Variants in TRPC4AP observed in about 807,000 individuals in gnomAD.
TRPC4AP encodes transient receptor potential cation channel subfamily C member 4 associated protein.
TRPC4AP carries 45 observed loss-of-function variants against 99.0 expected under a neutral mutation model. The ratio of observed to expected loss-of-function variants is 0.45; its 90% CI spans 0.36 to 0.58. TRPC4AP has a LOEUF of 0.58. Among genes scored for constraint, TRPC4AP ranks in the 20% least tolerant of loss-of-function variants. TRPC4AP has a pLI of 0.00. For missense variants in TRPC4AP, 879 were observed against 985.3 expected, an observed-to-expected ratio of 0.89 and a Z score of 1.44; for synonymous variants, 408 against 385.8, an observed-to-expected ratio of 1.06 and a Z score of -0.67.
At position 35,003,045 on chromosome 20, in the gene TRPC4AP, G is replaced by T; in HGVS notation, c.*101C>A. 6.6e-7 allele frequency: 1 copy of T among 1,509,160 alleles called. No homozygotes were observed. The highest frequency in any genetic ancestry group is 9.0e-7 in the Non-Finnish European group (1 of 1,113,474). 93.5% of individuals were successfully genotyped at this position (1,509,160 alleles called of 1,614,324 possible). ...GCCTGTACCCAAAGACCTGGGGCAG[G>T]CAGAGAGCAGCAGGGAGGAACGGGA... On this transcript the variant is annotated 3_prime_UTR_variant, in exon 19 of 19. Coordinates refer to ENST00000252015, the MANE Select transcript of TRPC4AP (RefSeq NM_015638.3).
At chr20:35,038,247 T>C (rs139710788) in intron 7 of TRPC4AP, among the ~76,000 whole-genome samples, 1 of 147,256 alleles carries the variant, frequency 6.8e-6, no homozygotes, top group African/African-American at 2.5e-5. Context: ...ATAAAATAAT[T>C]ACACAGAAAT....
At chr20:35,053,916 A>T (rs1270351572) in intron 5 of TRPC4AP, among the ~76,000 whole-genome samples, 2 of 152,232 alleles carry the variant, frequency 1.3e-5, no homozygotes, top group Admixed American at 1.3e-4. Flanking sequence ...GCACTATTAT[A>T]GATGCTGAAT....
chr20:35,038,883 G>C (rs1449267564), intron 7 of TRPC4AP, among the ~76,000 whole-genome samples: 1 of 152,158 alleles, frequency 6.6e-6, no homozygotes. Flanking sequence ...GACCAGCCTG[G>C]CCAATATGGC....
chr20:35,044,938 T>C lies in TRPC4AP; in HGVS notation c.658-226A>G, dbSNP rs1327608429. Among the ~76,000 whole-genome samples, 3 of 152,114 alleles carry C rather than the reference T, an allele frequency of 2.0e-5. No individual in the cohort carries two copies. The East Asian group carries it at 5.8e-4, about 29-fold the overall frequency. On this transcript the variant is annotated intron_variant, in intron 6 of 18. Transcript: ENST00000252015. ...GAACTAATCTACCTCACAGGATTAG[T>C]CTGAGGACTAAATTTACCTTTTGAG...
At chr20:35,086,340 T>C (rs192371182) in intron 1 of TRPC4AP, among the ~76,000 whole-genome samples, 70 of 152,038 alleles carry the variant, frequency 4.6e-4, no homozygotes, top group African/African-American at 1.7e-3. Flanking sequence ...CTGAATACTT[T>C]TGTGTCCTTT....
intron 14 of TRPC4AP, 125 bp downstream of exon 14, chr20:35,007,425 C>G (rs2147265833): frequency 2.0e-6 from 2 of 992,984 alleles, no homozygotes; most frequent in South Asian, 3.2e-5. Flanking sequence ...GCAGCCTGCA[C>G]AGGCATTTGG....
chr20:35,049,282 G>A (rs1372339299), intron 6 of TRPC4AP, among the ~76,000 whole-genome samples: 2 of 149,676 alleles, frequency 1.3e-5, no homozygotes, highest in South Asian at 4.2e-4. Context: ...AAAGTTATGG[G>A]TCATCCGAAT....
chr20:35,029,186 G>A (rs2083105771), intron 8 of TRPC4AP, among the ~76,000 whole-genome samples: 1 of 152,202 alleles, frequency 6.6e-6, no homozygotes, highest in Non-Finnish European at 1.5e-5. Flanking sequence ...GGGAGGTGGA[G>A]GTTGCAGTGA....
Position 35,003,590 on chromosome 20 carries a change from G to A in TRPC4AP, c.2076C>T (p.Ser692=), listed in dbSNP as rs1042554610. Residue 692 remains serine, a synonymous_variant, in exon 18 of 19, where the codon AGC becomes AGT. Transcript: ENST00000252015. ...TQENVSCLNT[S]LVILMLARRK... ...GTCGGGCCAGCATCAGGATCACCAG[G>A]CTGGTGTTGAGGCAGCTGACGTTCT... 5 of 1,613,988 alleles carry A rather than the reference G, an allele frequency of 3.1e-6. No individual in the cohort carries two copies. Among genetic ancestry groups the A allele is most frequent in the Non-Finnish European group, 4.2e-6 (5 of 1,179,986 alleles).
At chr20:35,057,471 G>A (rs1290068921) in intron 4 of TRPC4AP, 43 bp downstream of exon 4, 4 of 1,536,122 alleles carry the variant, frequency 2.6e-6, no homozygotes, top group African/African-American at 1.4e-5. Context: ...CACCGTATCG[G>A]CAGGTTGGAA....
chr20:35,080,534 TA>T (rs71196786), intron 1 of TRPC4AP, among the ~76,000 whole-genome samples: 1,527 of 82,042 alleles, frequency 0.019, 33 homozygotes, highest in African/African-American at 0.07. Flanking sequence ...AGACTCCATC[TA>T]AAAAAAAAAA....
At chr20:35,011,056 C>T (rs1431299327) in intron 11 of TRPC4AP, among the ~76,000 whole-genome samples, 2 of 152,102 alleles carry the variant, frequency 1.3e-5, no homozygotes, top group African/African-American at 2.4e-5. Flanking sequence ...GTCAGGAGTT[C>T]GAGACCAGCC....
chr20:35,053,173 T>C (rs999538709), intron 5 of TRPC4AP, among the ~76,000 whole-genome samples: 1 of 152,236 alleles, frequency 6.6e-6, no homozygotes, highest in Non-Finnish European at 1.5e-5. Flanking sequence ...GCTTAAATAC[T>C]TGTCTTTTCT....
At chr20:35,045,102 T>A (rs2083528746) in intron 6 of TRPC4AP, among the ~76,000 whole-genome samples, 1 of 152,184 alleles carries the variant, frequency 6.6e-6, no homozygotes, top group Non-Finnish European at 1.5e-5. Flanking sequence ...ATACTTCAAA[T>A]ATAGCTAAAG....
Position 35,003,141 on chromosome 20 carries a change from C to T in TRPC4AP, c.*5G>A, listed in dbSNP as rs1176959354. The T allele has an allele frequency of 6.2e-7, 1 of 1,614,044 alleles. No homozygotes were observed. Among genetic ancestry groups the T allele is most frequent in the Non-Finnish European group, 8.5e-7 (1 of 1,179,956 alleles). On this transcript the variant is annotated 3_prime_UTR_variant, in exon 19 of 19. Coordinates refer to ENST00000252015, the MANE Select transcript of TRPC4AP (RefSeq NM_015638.3). ...CCCAGCAGCCTCCCGAGGCCTGGCC[C>T]AAGGTCACTCCTCAGTGAAGTCCCT...
At chr20:35,012,974 A>G in intron 11 of TRPC4AP, 34 bp downstream of exon 11, 3 of 1,611,928 alleles carry the variant, frequency 1.9e-6, no homozygotes, top group Non-Finnish European at 1.7e-6. Context: ...AGACAGCCCA[A>G]CAACTCTCCT....
chr20:35,017,540 T>G (rs1211541529), intron 9 of TRPC4AP, among the ~76,000 whole-genome samples: 1 of 152,240 alleles, frequency 6.6e-6, no homozygotes, highest in Non-Finnish European at 1.5e-5. Context: ...AAAGCAGATG[T>G]AAAGCTCTGC....
intron 16 of TRPC4AP, among the ~76,000 whole-genome samples, chr20:35,005,342 G>C (rs540102212): frequency 6.6e-6 from 1 of 152,338 alleles, no homozygotes; most frequent in East Asian, 1.9e-4. Context: ...AAGTGCGTTA[G>C]CAAGTCCAGG....
intron 6 of TRPC4AP, among the ~76,000 whole-genome samples, chr20:35,048,939 G>C (rs2083627341): frequency 6.6e-6 from 1 of 152,192 alleles, no homozygotes; most frequent in Admixed American, 6.5e-5. Flanking sequence ...CTTGTGCTGG[G>C]CAATGACAAG....
Sources: allele counts gnomAD v4.1 joint callset (sites outside exome capture counted in the v4.1 genomes callset), GRCh38; gene constraint gnomAD v4.1.1; transcripts MANE v1.5; gene names NCBI Gene and HGNC (gene_info 2026-07-23, HGNC 2026-07-21).